The following LRWD1 variants were observed in gnomAD, a reference collection of about 807,000 sequenced individuals.
The protein encoded by LRWD1 is leucine-rich repeat and WD repeat-containing protein 1.
LRWD1 carries 76 observed loss-of-function variants against 75.6 expected under a neutral mutation model. The ratio of observed to expected loss-of-function variants is 1.01; its 90% CI spans 0.84 to 1.22. LRWD1 has a LOEUF of 1.22. Ranked by LOEUF, LRWD1 falls within the 50% of genes most tolerant of loss-of-function variation. The pLI is 0.00. For synonymous variants in LRWD1, 487 were observed against 377.0 expected, an observed-to-expected ratio of 1.29 and a Z score of -3.38; for missense variants, 917 against 862.0, an observed-to-expected ratio of 1.06 and a Z score of -0.80.
chr7:102,467,567 T>C, intron 4 of LRWD1, 88 bp downstream of exon 4: 1 of 1,567,098 alleles, frequency 6.4e-7, no homozygotes, highest in Non-Finnish European at 8.7e-7. Context: ...GCTGAGGGGC[T>C]GTGGGAGTGG....
chr7:102,465,967 C>G lies in LRWD1; in HGVS notation c.231C>G (p.Ala77=). Residue 77 remains alanine (A), a synonymous_variant, in exon 2 of 15, where the codon GCC becomes GCG. Transcript: ENST00000292616. The part of the protein sequence containing the change: ...GLSHLRVLRC[A]NNQLGDVTAL... ...CCCACCTGCGTGTCCTCCGCTGCGCCAACAACCAGCTGGGGGATGTTACTG... is the reference window on the plus strand; with the variant it reads ...CCCACCTGCGTGTCCTCCGCTGCGCGAACAACCAGCTGGGGGATGTTACTG... The G allele has an allele frequency of 6.2e-7, 1 of 1,613,922 alleles. No individual in the cohort carries two copies. Among genetic ancestry groups the G allele is most frequent in the Non-Finnish European group, 8.5e-7 (1 of 1,180,000 alleles).
Position 102,465,136 on chromosome 7 carries a change from G to A in LRWD1, c.56G>A (p.Arg19Gln). 6.6e-7 allele frequency: 1 copy of A among 1,517,282 alleles called. No homozygotes were observed. The highest frequency in any genetic ancestry group is 8.8e-7 in the Non-Finnish European group (1 of 1,137,380). 94.0% of individuals were successfully genotyped at this position (1,517,282 alleles called of 1,614,324 possible). ...CAGCGCGGGCGCCCCAAGAGCGACC[G>A]GCTGGGGAAGATCCGGAGTCTGGAG... ...LMQRGRPKSD[R>Q]LGKIRSLDLS... The change falls in exon 1 of 15, where the codon CGG (arginine) becomes CAG (glutamine). Residue 19 changes from arginine (R) to glutamine (Q), a missense_variant. By Grantham distance (43) the Arg-to-Gln change is conservative. Coordinates refer to ENST00000292616, the MANE Select transcript of LRWD1 (RefSeq NM_152892.3).
Position 102,472,091 on chromosome 7 carries a change from G to A in LRWD1, c.1443-127G>A, listed in dbSNP as rs1586744513. On this transcript the variant is annotated intron_variant, in intron 11 of 14. Coordinates refer to ENST00000292616, the MANE Select transcript of LRWD1 (RefSeq NM_152892.3). ...CCTGGGGCCAAGAATGTATCTCTTTGGTGGCATCTTCTGTGCAGCCTTCAC... is the reference window on the plus strand; with the variant it reads ...CCTGGGGCCAAGAATGTATCTCTTTAGTGGCATCTTCTGTGCAGCCTTCAC... 5 of 828,354 alleles carry A rather than the reference G, an allele frequency of 6.0e-6. No homozygotes were observed. The East Asian group carries it at 1.1e-4, about 18-fold the overall frequency. The allele number at this position is 828,354 out of a possible 1,614,324, so 51.3% of individuals were successfully genotyped here.
At position 102,468,992 on chromosome 7, in the gene LRWD1, G is replaced by A; in HGVS notation, c.1158G>A (p.Gly386=). The A allele has an allele frequency of 6.2e-7, 1 of 1,612,830 alleles. No homozygotes were observed. The highest frequency in any genetic ancestry group is 1.1e-5 in the South Asian group (1 of 91,040). Residue 386 remains glycine (G), a synonymous_variant, in exon 9 of 15, where the codon GGG becomes GGA. Transcript: ENST00000292616. ...LLHVRAGFCC[G]VIRAHKKAIA... ...ACGTGCGTGCCGGCTTCTGCTGCGG[G>A]GTCATCCGAGCCCACAAGAAGGCCA...
intron 3 of LRWD1, among the ~76,000 whole-genome samples, 168 bp from the exon 4 acceptor site, chr7:102,467,171 G>GGTGTGTGTGTGTGTGTGT (rs1209487514): frequency 1.0e-5 from 1 of 99,114 alleles, no homozygotes; most frequent in African/African-American, 4.4e-5. Context: ...GTGTGTGTGG[G>GGTGTGTGTGTGTGTGTGT]GTGTGTGTGT....
chr7:102,467,168 T>TGGGG (rs1157897255), intron 3 of LRWD1, among the ~76,000 whole-genome samples, 171 bp from the exon 4 acceptor site: 7 of 18,522 alleles, frequency 3.8e-4, no homozygotes, highest in African/African-American at 1.0e-3. Context: ...GGGGTGTGTG[T>TGGGG]GGGGTGTGTG....
chr7:102,472,448 C>T lies in LRWD1; in HGVS notation c.1535-6C>T, dbSNP rs1358052596. 10 of 1,535,918 alleles carry T rather than the reference C, an allele frequency of 6.5e-6. No individual in the cohort carries two copies. Among genetic ancestry groups the T allele is most frequent in the Admixed American group, 5.9e-5 (3 of 50,556 alleles). ...ACCCTGCACAGCTCTCCCTTCTCCC[C>T]CACAGCCTCCAAGGGGAGCGGCCTG... is the stretch of plus-strand genomic sequence containing the variant. On this transcript the variant is annotated splice_region_variant and splice_polypyrimidine_tract_variant and intron_variant, in intron 12 of 14. Transcript: ENST00000292616.
chr7:102,470,068 C>G (rs747872604), intron 11 of LRWD1, 186 bp downstream of exon 11: 2 of 738,746 alleles, frequency 2.7e-6, no homozygotes, highest in South Asian at 4.5e-5. Context: ...TGACCCTGCT[C>G]TCACCCTGGG....
rs1256521886 is a variant in LRWD1, at chr7:102,472,917, G to A, written c.1812G>A (p.Lys604=). The A allele has an allele frequency of 2.5e-6, 4 of 1,613,376 alleles. No individual in the cohort carries two copies. The highest frequency in any genetic ancestry group is 3.4e-6 in the Non-Finnish European group (4 of 1,179,600). Residue 604 remains lysine (K), a synonymous_variant, in exon 15 of 15, where the codon AAG becomes AAA. Coordinates refer to ENST00000292616, the MANE Select transcript of LRWD1 (RefSeq NM_152892.3). ...CCCTCTCTCCCCACCAGATCCTGAA[G>A]TGGCCCCAGCCCTGGGCCCTTGGCC... ...AALQAPTQIL[K]WPQPWALGQV... is the part of the protein sequence containing the mutation.
At chr7:102,466,646 G>T (rs1170929513) in intron 3 of LRWD1, among the ~76,000 whole-genome samples, 1 of 151,864 alleles carries the variant, frequency 6.6e-6, no homozygotes, top group Non-Finnish European at 1.5e-5. Flanking sequence ...TCAAACTCCT[G>T]GCCTTAGGTG....
In LRWD1 at chr7:102,472,792, G is replaced by T; in HGVS notation, c.1791G>T (p.Gln597His). ...KQPPLLPAAL[Q>H]APTQILKWPQ... The stretch of plus-strand genomic sequence containing the variant: ...CACCCCTGCTGCCGGCAGCCCTGCA[G>T]GCCCCCACACAGGTACTGCCCGGCT... The change falls in exon 14 of 15, where the codon CAG becomes CAT. Residue 597 changes from glutamine to histidine, a missense_variant. Physicochemically the swap from Gln to His is conservative, Grantham distance 24. Coordinates refer to ENST00000292616, the MANE Select transcript of LRWD1 (RefSeq NM_152892.3). The T allele has an allele frequency of 6.2e-7, 1 of 1,613,438 alleles. No individual in the cohort carries two copies. Among genetic ancestry groups the T allele is most frequent in the Non-Finnish European group, 8.5e-7 (1 of 1,179,928 alleles).
Position 102,472,741 on chromosome 7 carries a change from C to A in LRWD1, c.1740C>A (p.Tyr580Ter), listed in dbSNP as rs144458335. The A allele has an allele frequency of 9.2e-5, 148 of 1,613,380 alleles. No homozygotes were observed. The highest frequency in any genetic ancestry group is 1.2e-4 in the Non-Finnish European group (137 of 1,179,960). Residue 580 changes from tyrosine to a stop codon, truncating the protein, a stop_gained, in exon 14 of 15, where the codon TAC (tyrosine) becomes TAA (stop). Transcript: ENST00000292616. LOFTEE classifies it high-confidence loss of function. ...ATGAGGAGGGCAACGTGTGGCTCTA[C>A]GACGTCAGCAACATCCTGAAGCAGC... ...CGDEEGNVWLYDVSNILKQPP... is the reference protein window; with the variant it reads ...CGDEEGNVWL
intron 3 of LRWD1, 30 bp downstream of exon 3, chr7:102,466,300 T>C: frequency 6.4e-7 from 1 of 1,564,044 alleles, no homozygotes; most frequent in Non-Finnish European, 8.8e-7. Context: ...ATTGTGTGCT[T>C]AGGAGCTGTG....
chr7:102,472,533 G>A lies in LRWD1; in HGVS notation c.1614G>A (p.Thr538=), dbSNP rs3800987. The A allele has an allele frequency of 0.61, 960,581 of 1,579,780 alleles. 298,924 individuals carry two copies. The highest frequency in any genetic ancestry group is 0.66 in the Middle Eastern group (3,975 of 6,008). Residue 538 remains threonine (T), a synonymous_variant, in exon 13 of 15, where the codon ACG becomes ACA. Coordinates refer to ENST00000292616, the MANE Select transcript of LRWD1 (RefSeq NM_152892.3). ...QTWGGRGSQS[T]VAVVVLARLQ... is the part of the protein sequence containing the mutation. ...GGGGGGGCCGGGGCAGCCAGTCCAC[G>A]GTGGCAGTGGTGGTCCTGGCGCGGC...
intron 7 of LRWD1, 48 bp from the exon 8 acceptor site, chr7:102,468,506 G>C (rs1304375461): frequency 6.5e-7 from 1 of 1,550,084 alleles, no homozygotes; most frequent in Non-Finnish European, 8.7e-7. Context: ...GGAGGACCTA[G>C]ATGGGAAATG....
Position 102,472,775 on chromosome 7 carries a change from C to T in LRWD1, c.1774C>T (p.Leu592=). 6.2e-7 allele frequency: 1 copy of T among 1,613,470 alleles called. No homozygotes were observed. Among genetic ancestry groups the T allele is most frequent in the South Asian group, 1.1e-5 (1 of 91,084 alleles). Reference sequence around the variant, plus strand: ...CAACATCCTGAAGCAGCCACCCCTGCTGCCGGCAGCCCTGCAGGCCCCCAC... The same window carrying T: ...CAACATCCTGAAGCAGCCACCCCTGTTGCCGGCAGCCCTGCAGGCCCCCAC... The part of the protein sequence containing the change: ...VSNILKQPPL[L]PAALQAPTQI... Residue 592 remains leucine, a synonymous_variant, in exon 14 of 15, where the codon CTG becomes TTG. Coordinates refer to ENST00000292616, the MANE Select transcript of LRWD1 (RefSeq NM_152892.3).
Position 102,465,046 on chromosome 7 carries a change from G to A in LRWD1, c.-35G>A, listed in dbSNP as rs1396414678. The A allele has an allele frequency of 4.1e-6, 6 of 1,449,988 alleles. No homozygotes were observed. Among genetic ancestry groups the A allele is most frequent in the Admixed American group, 5.9e-5 (2 of 34,158 alleles). 89.8% of individuals were successfully genotyped at this position (1,449,988 alleles called of 1,614,324 possible). On this transcript the variant is annotated 5_prime_UTR_variant, in exon 1 of 15. Transcript: ENST00000292616. ...CAGGGCGACGCCACACGCCGGGGTG[G>A]CCGACTGGGTCAGCGCGGGCTGCGC...
chr7:102,467,171 G>GGGGGGGT (rs1245223810), intron 3 of LRWD1, among the ~76,000 whole-genome samples, 168 bp from the exon 4 acceptor site: 3 of 99,148 alleles, frequency 3.0e-5, no homozygotes, highest in African/African-American at 1.3e-4. Flanking sequence ...GTGTGTGTGG[G>GGGGGGGT]GTGTGTGTGT....
At chr7:102,472,654 G>A (rs762211009) in intron 13 of LRWD1, 38 bp from the exon 14 acceptor site, 10 of 1,611,898 alleles carry the variant, frequency 6.2e-6, no homozygotes, top group Non-Finnish European at 8.5e-6. Flanking sequence ...GCTTCCGGGA[G>A]CTCTGCCCCC....
Sources: allele counts gnomAD v4.1 joint callset (sites outside exome capture counted in the v4.1 genomes callset), GRCh38; gene constraint gnomAD v4.1.1; transcripts MANE v1.5; gene names NCBI Gene and HGNC (gene_info 2026-07-23, HGNC 2026-07-21).